The following CACNA2D1 variants were observed in gnomAD, a reference collection of about 807,000 sequenced individuals.
CACNA2D1 encodes the protein voltage-dependent calcium channel subunit alpha-2/delta-1.
A neutral mutation model predicts 171.5 loss-of-function variants in CACNA2D1; 53 were observed. The observed-to-expected ratio is 0.31, with a 90% CI of 0.25 to 0.39. The LOEUF (loss-of-function observed/expected upper bound fraction) is 0.39, where lower values mean the gene tolerates loss of function less well. CACNA2D1 is among the 10% of genes least tolerant of loss of function. The pLI is 1.00. For missense variants in CACNA2D1, 903 were observed against 1,299.8 expected, an observed-to-expected ratio of 0.69 and a Z score of 4.69; for synonymous variants, 442 against 443.1, an observed-to-expected ratio of 1.00 and a Z score of 0.03.
intron 3 of CACNA2D1, among the ~76,000 whole-genome samples, chr7:82,319,609 A>T (rs1209776601): frequency 1.3e-5 from 2 of 152,186 alleles, no homozygotes; most frequent in Non-Finnish European, 2.9e-5. Flanking sequence ...CTAGAAAAAA[A>T]GTGGCACAGG....
intron 2 of CACNA2D1, among the ~76,000 whole-genome samples, chr7:82,345,568 A>C (rs1411084424): frequency 6.6e-6 from 1 of 152,148 alleles, no homozygotes; most frequent in East Asian, 1.9e-4. Flanking sequence ...ACATTTCATT[A>C]ACTTTAAAAC....
chr7:82,274,516 T>G (rs1048154819), intron 3 of CACNA2D1, among the ~76,000 whole-genome samples: 4 of 152,166 alleles, frequency 2.6e-5, no homozygotes, highest in Non-Finnish European at 4.4e-5. Flanking sequence ...CCATCACATA[T>G]TCTTTACACT....
At chr7:81,965,522 AAG>A (rs1310513213) in intron 32 of CACNA2D1, 70 bp downstream of exon 32, 1 of 824,784 alleles carries the variant, frequency 1.2e-6, no homozygotes, top group Non-Finnish European at 2.2e-6. Context: ...AAAACACTGA[AAG>A]AGGTTTTGTA....
intron 1 of CACNA2D1, among the ~76,000 whole-genome samples, chr7:82,371,009 T>C (rs79455379): frequency 3.3e-5 from 5 of 152,282 alleles, no homozygotes; most frequent in Non-Finnish European, 5.9e-5. Flanking sequence ...CAAGGAGCAC[T>C]GTAAGCAGTG....
chr7:82,217,100 G>C (rs1182935128), intron 3 of CACNA2D1, among the ~76,000 whole-genome samples: 1 of 151,708 alleles, frequency 6.6e-6, no homozygotes, highest in Non-Finnish European at 1.5e-5. Flanking sequence ...CAGAAGCTCA[G>C]GATCTTTTTA....
chr7:82,181,646 C>T lies in CACNA2D1; in HGVS notation c.295-11037G>A, dbSNP rs143768159. On this transcript the variant is annotated intron_variant, in intron 3 of 38. Transcript: ENST00000356860. ...AAAGTTTTAGATTATCTTAAAAAAG[C>T]AAGCTCTCATATCTGAGGGAAATAA... Among the ~76,000 whole-genome samples the T allele has an allele frequency of 2.8e-3, 432 of 152,286 alleles. 2 individuals carry two copies. The highest frequency in any genetic ancestry group is 4.6e-3 in the Non-Finnish European group (313 of 68,000).
chr7:82,029,876 T>G (rs1446893688), intron 12 of CACNA2D1: 1 of 151,820 alleles, frequency 6.6e-6, no homozygotes, highest in Non-Finnish European at 1.5e-5. Flanking sequence ...CAAAATTAAA[T>G]GAAACATCAC....
intron 24 of CACNA2D1, among the ~76,000 whole-genome samples, chr7:81,975,480 C>A (rs1206001845): frequency 1.3e-5 from 2 of 152,034 alleles, no homozygotes; most frequent in African/African-American, 4.8e-5. Flanking sequence ...CTCACAGAGA[C>A]GAGAGGCTTG....
intron 18 of CACNA2D1, among the ~76,000 whole-genome samples, chr7:82,003,671 G>A (rs944639002): frequency 6.7e-6 from 1 of 149,646 alleles, no homozygotes; most frequent in Non-Finnish European, 1.5e-5. Context: ...TATGATATAT[G>A]TTAGTTCCTT....
chr7:82,389,814 A>G (rs1267477176), intron 1 of CACNA2D1, among the ~76,000 whole-genome samples: 2 of 152,230 alleles, frequency 1.3e-5, no homozygotes, highest in Non-Finnish European at 2.9e-5. Context: ...AGAGTGCCTT[A>G]TACACAATAA....
At chr7:82,206,695 TAGC>T (rs1382813808) in intron 3 of CACNA2D1, among the ~76,000 whole-genome samples, 2 of 152,106 alleles carry the variant, frequency 1.3e-5, no homozygotes, top group African/African-American at 4.8e-5. Flanking sequence ...TAAAATATAA[TAGC>T]AGGATCCCAA....
At chr7:82,172,838 C>CA (rs911093326) in intron 3 of CACNA2D1, among the ~76,000 whole-genome samples, 24 of 131,250 alleles carry the variant, frequency 1.8e-4, no homozygotes, top group Admixed American at 5.2e-4. Context: ...CATGTATGGG[C>CA]AAAAAAAAAA....
chr7:82,241,436 T>C (rs1804265398), intron 3 of CACNA2D1, among the ~76,000 whole-genome samples: 1 of 152,212 alleles, frequency 6.6e-6, no homozygotes, highest in Admixed American at 6.5e-5. Context: ...GAATTGCTTT[T>C]TCAGACCTGC....
chr7:82,164,931 T>A (rs532327535), intron 4 of CACNA2D1, among the ~76,000 whole-genome samples: 3 of 152,154 alleles, frequency 2.0e-5, no homozygotes, highest in East Asian at 1.9e-4. Flanking sequence ...GAGAGGCTAA[T>A]GAAATTGGAG....
chr7:82,138,906 T>C (rs543005841), intron 4 of CACNA2D1, among the ~76,000 whole-genome samples: 1 of 152,282 alleles, frequency 6.6e-6, no homozygotes, highest in Non-Finnish European at 1.5e-5. Context: ...AAAATGTGGA[T>C]TCTACGAAAA....
At chr7:81,993,537 C>G (rs1278677402) in intron 20 of CACNA2D1, among the ~76,000 whole-genome samples, 1 of 152,034 alleles carries the variant, frequency 6.6e-6, no homozygotes, top group Non-Finnish European at 1.5e-5. Flanking sequence ...TTACATAGAC[C>G]ATATAGATAG....
chr7:82,284,674 T>G (rs1287435957), intron 3 of CACNA2D1, among the ~76,000 whole-genome samples: 1 of 152,098 alleles, frequency 6.6e-6, no homozygotes, highest in Non-Finnish European at 1.5e-5. Flanking sequence ...AGCCCTTCTG[T>G]ACAGCGCTAA....
intron 1 of CACNA2D1, among the ~76,000 whole-genome samples, chr7:82,374,006 C>A (rs1822724893): frequency 6.6e-6 from 1 of 152,176 alleles, no homozygotes; most frequent in Non-Finnish European, 1.5e-5. Context: ...TTGTGTCACC[C>A]ATGGGAAGGC....
At chr7:82,303,114 C>A (rs555318420) in intron 3 of CACNA2D1, among the ~76,000 whole-genome samples, 1 of 152,108 alleles carries the variant, frequency 6.6e-6, no homozygotes, top group East Asian at 1.9e-4. Context: ...CCGCCTCAGC[C>A]TCCTGAGTAG....
Sources: allele counts gnomAD v4.1 joint callset (sites outside exome capture counted in the v4.1 genomes callset), GRCh38; gene constraint gnomAD v4.1.1; transcripts MANE v1.5; gene names NCBI Gene and HGNC (gene_info 2026-07-23, HGNC 2026-07-21).